Variants in GTF3C1 observed in about 807,000 individuals in gnomAD.
The protein encoded by GTF3C1 is general transcription factor 3C polypeptide 1.
In GTF3C1, 57 loss-of-function variants were observed where a neutral mutation model predicts 226.7. The ratio of observed to expected loss-of-function variants is 0.25; its 90% CI spans 0.20 to 0.31. GTF3C1 has a LOEUF of 0.31. GTF3C1 is among the 10% of genes least tolerant of loss of function. GTF3C1 has a pLI of 1.00. For synonymous variants in GTF3C1, 1,090 were observed against 1,084.8 expected (o/e 1.00, Z -0.09); for missense variants, 2,217 against 2,776.1 (o/e 0.80, Z 4.53).
rs562028483 is a variant in GTF3C1 at position 27,461,404 on chromosome 16, C to T, written c.6276G>A (p.Arg2092=). ...FYEPTLDCTL[R]LGRVFPHEVN... ...CCTCGTGGGGGAACACACGGCCCAG[C>T]CGGAGGGTACAGTCCAAGGTGGGCT... The change falls in exon 37 of 37, where the codon CGG becomes CGA. Residue 2092 remains arginine (R), a synonymous_variant. Coordinates refer to ENST00000356183, the MANE Select transcript of GTF3C1 (RefSeq NM_001520.4). This position sits in a 1 kb window ranked among gnomAD's most constrained non-coding sequence, Gnocchi z 5.3. The T allele has an allele frequency of 1.9e-6, 3 of 1,613,928 alleles. No individual in the cohort carries two copies. The South Asian group carries it at 3.3e-5, about 18-fold the overall frequency.
intron 26 of GTF3C1, among the ~76,000 whole-genome samples, chr16:27,481,754 C>T (rs553399315): frequency 1.3e-5 from 2 of 152,312 alleles, no homozygotes; most frequent in East Asian, 3.9e-4. Context: ...CTATGTAGGA[C>T]GCAGCCCCTG....
Position 27,478,521 on chromosome 16 carries a change from A to C in GTF3C1, c.4207T>G (p.Leu1403Val). The C allele has an allele frequency of 1.2e-6, 2 of 1,611,502 alleles. No homozygotes were observed. Among genetic ancestry groups the C allele is most frequent in the African/African-American group, 2.7e-5 (2 of 74,988 alleles). Residue 1403 changes from leucine to valine, a missense_variant, in exon 28 of 37, where the codon TTG becomes GTG. Transcript: ENST00000356183. ...TGATCTTTTTCATCCCCAATTGCCA[A>C]AACTCGGTACCTGCAAAAGAAACAT... ...LQELFARYRV[L>V]AIGDEKDQTR...
chr16:27,465,138 T>A, intron 33 of GTF3C1, 122 bp downstream of exon 33: 1 of 886,824 alleles, frequency 1.1e-6, no homozygotes, highest in Non-Finnish European at 1.8e-6. Flanking sequence ...AATGACTAAT[T>A]CAACGTTTAA....
At chr16:27,466,271 G>C (rs1473862921) in intron 32 of GTF3C1, 1 of 152,214 alleles carries the variant, frequency 6.6e-6, no homozygotes, top group Admixed American at 6.5e-5. Context: ...TGCTCGATTT[G>C]TGTCTGTCAC....
chr16:27,469,490 A>G lies in GTF3C1; in HGVS notation c.4875T>C (p.Gly1625=), dbSNP rs1567384901. ...CCATGCTCCGGCGCTTGCCCCCTACACCTTCGTCCAAGTCATCCTCTTCAT... is the reference window on the plus strand; with the variant it reads ...CCATGCTCCGGCGCTTGCCCCCTACGCCTTCGTCCAAGTCATCCTCTTCAT... The part of the protein sequence containing the change: ...DEDEEDDLDE[G]VGGKRRSMEV... Residue 1625 remains glycine, a synonymous_variant, in exon 32 of 37, where the codon GGT becomes GGC. Coordinates refer to ENST00000356183, the MANE Select transcript of GTF3C1 (RefSeq NM_001520.4). The surrounding 1 kb of genome is among the most constrained non-coding windows in gnomAD (Gnocchi z 4.5). The G allele has an allele frequency of 1.2e-6, 2 of 1,614,028 alleles. No homozygotes were observed. Among genetic ancestry groups the G allele is most frequent in the Non-Finnish European group, 1.7e-6 (2 of 1,179,958 alleles).
rs745971673 is a variant in GTF3C1 at position 27,489,051 on chromosome 16, C to T, written c.3421G>A (p.Ala1141Thr). Residue 1141 changes from alanine (A) to threonine (T), a missense_variant, in exon 21 of 37, where the codon GCC becomes ACC. Coordinates refer to ENST00000356183, the MANE Select transcript of GTF3C1 (RefSeq NM_001520.4). ...GTGTGACGCACACCCACCTTTTTGG[C>T]CTGGTTGATGATGTAGCTGGTCCAG... ...WIWTSYIINQAKKENTAAENG... is the reference protein window; with the variant it reads ...WIWTSYIINQTKKENTAAENG... The T allele has an allele frequency of 1.7e-5, 28 of 1,613,792 alleles. No homozygotes were observed. The Middle Eastern group carries it at 6.7e-4, about 38-fold the overall frequency.
At chr16:27,505,133 T>C (rs1393528048) in intron 10 of GTF3C1, among the ~76,000 whole-genome samples, 2 of 152,200 alleles carry the variant, frequency 1.3e-5, no homozygotes, top group African/African-American at 4.8e-5. Context: ...AATCACATAA[T>C]GGGAAAGACA....
At chr16:27,465,101 T>C (rs557114333) in intron 33 of GTF3C1, among the ~76,000 whole-genome samples, 159 bp downstream of exon 33, 3 of 152,364 alleles carry the variant, frequency 2.0e-5, no homozygotes, top group East Asian at 1.9e-4. Flanking sequence ...TCAAAGCGGA[T>C]GTGAAATGCC....
chr16:27,533,906 T>C (rs1302868501), intron 4 of GTF3C1, among the ~76,000 whole-genome samples: 2 of 152,182 alleles, frequency 1.3e-5, no homozygotes, highest in Non-Finnish European at 2.9e-5. Flanking sequence ...CTTGGGAGGC[T>C]GAGGCAGGAG....
intron 7 of GTF3C1, 142 bp from the exon 8 acceptor site, chr16:27,508,797 T>C: frequency 1.6e-6 from 1 of 639,902 alleles, no homozygotes; most frequent in South Asian, 1.9e-5. Context: ...TTCTCTCCCT[T>C]ATCCTCCCAA....
chr16:27,469,233 G>A lies in GTF3C1; in HGVS notation c.5074+58C>T. 3 of 1,498,816 alleles carry A rather than the reference G, an allele frequency of 2.0e-6. No homozygotes were observed. The highest frequency in any genetic ancestry group is 2.7e-6 in the Non-Finnish European group (3 of 1,114,256). 92.8% of individuals were successfully genotyped at this position (1,498,816 alleles called of 1,614,324 possible). On this transcript the variant is annotated intron_variant, in intron 32 of 36. Coordinates refer to ENST00000356183, the MANE Select transcript of GTF3C1 (RefSeq NM_001520.4). The surrounding 1 kb of genome is among the most constrained non-coding windows in gnomAD (Gnocchi z 4.5). ...GTCTAGGTCCCAGGCCAGGCCTCAGGGTCTTCCTGGATGATGGCGAGGCCA... is the reference window on the plus strand; with the variant it reads ...GTCTAGGTCCCAGGCCAGGCCTCAGAGTCTTCCTGGATGATGGCGAGGCCA...
intron 25 of GTF3C1, chr16:27,483,364 T>C (rs1382374695): frequency 6.3e-6 from 4 of 630,476 alleles, no homozygotes; most frequent in Non-Finnish European, 1.2e-5. Flanking sequence ...CCGTCCTTCA[T>C]AGGTAACCGA....
At chr16:27,534,582 T>C (rs2088971817) in intron 4 of GTF3C1, among the ~76,000 whole-genome samples, 1 of 152,190 alleles carries the variant, frequency 6.6e-6, no homozygotes, top group Non-Finnish European at 1.5e-5. Context: ...AGAGGTCAAG[T>C]GACTGCCCAA....
chr16:27,513,373 G>C (rs2088606620), intron 6 of GTF3C1, among the ~76,000 whole-genome samples: 1 of 152,218 alleles, frequency 6.6e-6, no homozygotes, highest in Admixed American at 6.5e-5. Flanking sequence ...AGGATTGCTT[G>C]AGCCTGGGAG....
At position 27,509,761 on chromosome 16, in the gene GTF3C1, A is replaced by G. The variant is rs978480532; in HGVS notation, c.1127-1106T>C. Reference sequence around the variant, plus strand: ...CGACAGAGTGAGACTCCGTCTCAAAAAAAAAAAAAAAAAAAAAAGAAGTAT... The same window carrying G: ...CGACAGAGTGAGACTCCGTCTCAAAGAAAAAAAAAAAAAAAAAAGAAGTAT... On this transcript the variant is annotated intron_variant, in intron 7 of 36. Transcript: ENST00000356183. Among the ~76,000 whole-genome samples the G allele has an allele frequency of 4.7e-5, 7 of 147,384 alleles. No homozygotes were observed. The East Asian group carries it at 1.4e-3, about 29-fold the overall frequency.
rs2088479355 is a variant in GTF3C1, at chr16:27,506,015, T to C, written c.1654A>G (p.Ser552Gly). The change falls in exon 10 of 37, where the codon AGC becomes GGC. Residue 552 changes from serine to glycine, a missense_variant. Around this residue, in one of 12 missense-constraint regions of GTF3C1, gnomAD observed 173 missense variants for 207.2 expected, o/e 0.83. Transcript: ENST00000356183. ...RACQSLASRD[S>G]LLDTSSVSEP... Reference sequence around the variant, plus strand: ...GAGACGCTGCTGGTATCTAAGAGGCTGTCCCTGCTGGCAAGGCTCTGGCAG... The same window carrying C: ...GAGACGCTGCTGGTATCTAAGAGGCCGTCCCTGCTGGCAAGGCTCTGGCAG... The C allele has an allele frequency of 6.2e-7, 1 of 1,613,538 alleles. No individual in the cohort carries two copies. The highest frequency in any genetic ancestry group is 2.2e-5 in the East Asian group (1 of 44,888).
chr16:27,518,573 C>T (rs2088698035), intron 6 of GTF3C1, among the ~76,000 whole-genome samples: 1 of 152,218 alleles, frequency 6.6e-6, no homozygotes, highest in Admixed American at 6.5e-5. Flanking sequence ...AAGTGTCATA[C>T]CCAGTCACCT....
chr16:27,538,973 C>T (rs576679288), intron 2 of GTF3C1, among the ~76,000 whole-genome samples: 13 of 120,754 alleles, frequency 1.1e-4, no homozygotes, highest in South Asian at 7.5e-4. Flanking sequence ...CACACATATA[C>T]ACACACACAC....
chr16:27,467,829 C>T lies in GTF3C1; in HGVS notation c.5074+1462G>A, dbSNP rs546861091. ...AGGTTGCAGTGAACTGAGATCATGC[C>T]GCCGCACTCCAGTCCGGGCGACAAG... is the stretch of plus-strand genomic sequence containing the variant. On this transcript the variant is annotated intron_variant, in intron 32 of 36. Coordinates refer to ENST00000356183, the MANE Select transcript of GTF3C1 (RefSeq NM_001520.4). Among the ~76,000 whole-genome samples the T allele has an allele frequency of 8.0e-4, 121 of 152,092 alleles. 2 individuals are homozygous for T. The highest frequency in any genetic ancestry group is 2.4e-3 in the African/African-American group (99 of 41,480).
Sources: allele counts gnomAD v4.1 joint callset (sites outside exome capture counted in the v4.1 genomes callset), GRCh38; gene constraint gnomAD v4.1.1; regional missense constraint gnomAD v4.1.1; non-coding constraint Gnocchi (gnomAD v3.1); transcripts MANE v1.5; gene names NCBI Gene and HGNC (gene_info 2026-07-23, HGNC 2026-07-21).